TMC1: variants seen among roughly 807,000 people sequenced by gnomAD.
TMC1 encodes the protein transmembrane channel like 1.
TMC1 carries 84 observed loss-of-function variants against 105.8 expected under a neutral mutation model. The ratio of observed to expected loss-of-function variants is 0.79; its 90% CI spans 0.67 to 0.95. TMC1 has a LOEUF of 0.95. Among genes scored for constraint, TMC1 ranks in the 40% least tolerant of loss-of-function variants. The pLI is 0.00. For missense variants in TMC1, 817 were observed against 914.1 expected (o/e 0.89, Z 1.37); for synonymous variants, 315 against 311.5 (o/e 1.01, Z -0.12).
At position 72,783,315 on chromosome 9, in the gene TMC1, C is replaced by A. The variant is rs80211865; in HGVS notation, c.885-5024C>A. Among the ~76,000 whole-genome samples, 182 of 152,300 alleles carry A rather than the reference C, an allele frequency of 1.2e-3. 2 individuals are homozygous for A. The highest frequency in any genetic ancestry group is 3.5e-3 in the African/African-American group (147 of 41,560). ...ACAGGGAAACCGACAGTGTAGCCTT[C>A]AATCTGTGGCTGAAGGCCTGAGAGC... On this transcript the variant is annotated intron_variant, in intron 13 of 23. Coordinates refer to ENST00000297784, the MANE Select transcript of TMC1 (RefSeq NM_138691.3).
At chr9:72,568,821 A>G (rs1824215447) in intron 1 of TMC1, among the ~76,000 whole-genome samples, 1 of 103,328 alleles carries the variant, frequency 9.7e-6, no homozygotes, top group African/African-American at 3.7e-5. Flanking sequence ...AATTAAACAT[A>G]TCTATAAAGC....
intron 1 of TMC1, among the ~76,000 whole-genome samples, chr9:72,524,225 T>C (rs761320371): frequency 3.3e-5 from 5 of 152,082 alleles, no homozygotes; most frequent in Non-Finnish European, 2.9e-5. Flanking sequence ...TACTTGAAAA[T>C]AGAGAAAGAA....
intron 4 of TMC1, among the ~76,000 whole-genome samples, chr9:72,647,685 C>T (rs1365100910): frequency 6.6e-6 from 1 of 152,104 alleles, no homozygotes; most frequent in African/African-American, 2.4e-5. Context: ...TGGCTATGTA[C>T]TAGTCTATAT....
intron 2 of TMC1, among the ~76,000 whole-genome samples, chr9:72,593,083 A>C (rs1378756089): frequency 6.6e-6 from 1 of 152,204 alleles, no homozygotes; most frequent in East Asian, 1.9e-4. Flanking sequence ...TTTCTTTTGA[A>C]ATGGTTGGAA....
At chr9:72,659,949 T>C (rs1825948947) in intron 5 of TMC1, among the ~76,000 whole-genome samples, 1 of 152,162 alleles carries the variant, frequency 6.6e-6, no homozygotes. Flanking sequence ...AAATCATTGC[T>C]TTCTAACTTT....
At chr9:72,727,294 T>C (rs975193241) in intron 8 of TMC1, among the ~76,000 whole-genome samples, 1 of 152,200 alleles carries the variant, frequency 6.6e-6, no homozygotes, top group Non-Finnish European at 1.5e-5. Flanking sequence ...AACTATTTCA[T>C]GGGCCTAGAT....
intron 5 of TMC1, among the ~76,000 whole-genome samples, chr9:72,658,658 A>C (rs1825922133): frequency 6.6e-6 from 1 of 152,212 alleles, no homozygotes; most frequent in African/African-American, 2.4e-5. Context: ...TTTCAAAAGC[A>C]AGAATTCATG....
intron 8 of TMC1, among the ~76,000 whole-genome samples, chr9:72,715,549 G>T (rs978836463): frequency 1.3e-5 from 2 of 151,650 alleles, no homozygotes; most frequent in African/African-American, 2.4e-5. Context: ...CTGCTTGATC[G>T]ATTCGGCTAT....
At chr9:72,649,608 A>C (rs1825768473) in intron 5 of TMC1, among the ~76,000 whole-genome samples, 1 of 152,180 alleles carries the variant, frequency 6.6e-6, no homozygotes, top group African/African-American at 2.4e-5. Context: ...ATTATTGAGA[A>C]GGTCATTGCT....
chr9:72,646,074 T>A (rs185611011), intron 4 of TMC1, among the ~76,000 whole-genome samples: 1 of 152,368 alleles, frequency 6.6e-6, no homozygotes, highest in Non-Finnish European at 1.5e-5. Context: ...TCATGTACAT[T>A]TACTGCTATA....
At chr9:72,696,552 A>T (rs1007863545) in intron 7 of TMC1, among the ~76,000 whole-genome samples, 1 of 152,194 alleles carries the variant, frequency 6.6e-6, no homozygotes, top group Non-Finnish European at 1.5e-5. Context: ...GGGCACATTT[A>T]TGTAGGTTAA....
chr9:72,575,339 C>T (rs969282050), intron 1 of TMC1, among the ~76,000 whole-genome samples: 1 of 152,018 alleles, frequency 6.6e-6, no homozygotes, highest in Non-Finnish European at 1.5e-5. Flanking sequence ...CACCACCAAG[C>T]CCGGCTAATT....
intron 1 of TMC1, among the ~76,000 whole-genome samples, chr9:72,530,821 GA>G (rs1463694962): frequency 1.6e-5 from 2 of 123,726 alleles, no homozygotes; most frequent in Non-Finnish European, 1.6e-5. Context: ...TTTCTGCCAT[GA>G]TTTTTTTTTT....
In TMC1 at chr9:72,603,386, TACACACACACAC is replaced by T. The variant is rs10584160; in HGVS notation, c.-305-12957_-305-12946del. ...TAACTTACTCCTTCTCTCTCCCCAC[TACACACACACAC>T]ACACACACACACACACACACACACC... is the stretch of plus-strand genomic sequence containing the variant. On this transcript the variant is annotated intron_variant, in intron 2 of 23. Coordinates refer to ENST00000297784, the MANE Select transcript of TMC1 (RefSeq NM_138691.3). Among the ~76,000 whole-genome samples, 16 of 145,334 alleles carry T rather than the reference TACACACACACAC, an allele frequency of 1.1e-4. No homozygotes were observed. The South Asian group carries it at 1.8e-3, about 16-fold the overall frequency.
At chr9:72,634,621 C>T (rs1825503378) in intron 4 of TMC1, among the ~76,000 whole-genome samples, 2 of 152,188 alleles carry the variant, frequency 1.3e-5, no homozygotes, top group Admixed American at 1.3e-4. Context: ...ATTTCTCTCA[C>T]TGTCATAATT....
At chr9:72,565,189 G>C (rs1439947366) in intron 1 of TMC1, among the ~76,000 whole-genome samples, 2 of 152,110 alleles carry the variant, frequency 1.3e-5, no homozygotes, top group Non-Finnish European at 2.9e-5. Context: ...TATTTGACTA[G>C]AGGAACACAA....
chr9:72,640,776 C>T (rs1056456392), intron 4 of TMC1, among the ~76,000 whole-genome samples: 4 of 151,614 alleles, frequency 2.6e-5, no homozygotes, highest in East Asian at 1.9e-4. Context: ...GGACTACAGG[C>T]GCCCGCCACT....
intron 5 of TMC1, among the ~76,000 whole-genome samples, chr9:72,683,570 C>A (rs1826323463): frequency 6.7e-6 from 1 of 149,766 alleles, no homozygotes; most frequent in Non-Finnish European, 1.5e-5. Flanking sequence ...GTCTGTCCTC[C>A]CTTTTCTCTC....
chr9:72,672,792 T>C (rs1465931289), intron 5 of TMC1, among the ~76,000 whole-genome samples: 1 of 150,456 alleles, frequency 6.6e-6, no homozygotes, highest in African/African-American at 2.5e-5. Context: ...TTGGCAGGCC[T>C]TGAGCTCAGG....
Sources: gnomAD v4.1 joint callset for allele counts (sites outside exome capture counted in the v4.1 genomes callset) on GRCh38, gnomAD v4.1.1 for gene constraint, MANE v1.5 for transcripts, NCBI Gene and HGNC (gene_info 2026-07-23, HGNC 2026-07-21) for gene names.